The following KALRN variants were observed in gnomAD, a reference collection of about 807,000 sequenced individuals.
KALRN encodes kalirin.
KALRN carries 70 observed loss-of-function variants against 353.7 expected under a neutral mutation model. The ratio of observed to expected loss-of-function variants is 0.20; its 90% confidence interval spans 0.16 to 0.24. KALRN has a LOEUF of 0.24. KALRN is among the 10% of genes least tolerant of loss of function. KALRN has a pLI of 1.00. For synonymous variants in KALRN, 1,391 were observed against 1,434.8 expected, an observed-to-expected ratio of 0.97 and a Z score of 0.69; for missense variants, 2,791 against 3,756.7, an observed-to-expected ratio of 0.74 and a Z score of 6.72.
At chr3:124,144,586 C>G (rs1348687765) in intron 1 of KALRN, among the ~76,000 whole-genome samples, 1 of 151,668 alleles carries the variant, frequency 6.6e-6, no homozygotes, top group African/African-American at 2.4e-5. Flanking sequence ...TCCTCCTCCT[C>G]TTCCTCGTCT....
intron 45 of KALRN, among the ~76,000 whole-genome samples, chr3:124,663,912 G>T (rs2085221232): frequency 6.6e-6 from 1 of 151,980 alleles, no homozygotes. Flanking sequence ...TCTCCTCCTT[G>T]CCCTTTCAGC....
chr3:124,150,989 CTT>C (rs2068024114), intron 1 of KALRN, among the ~76,000 whole-genome samples: 1 of 152,134 alleles, frequency 6.6e-6, no homozygotes, highest in Non-Finnish European at 1.5e-5. Context: ...TGTCTGTCCT[CTT>C]TTGTTCAATG....
chr3:124,521,269 G>A (rs2067140078), intron 33 of KALRN, among the ~76,000 whole-genome samples: 1 of 152,146 alleles, frequency 6.6e-6, no homozygotes, highest in Non-Finnish European at 1.5e-5. Flanking sequence ...TTATGAAGTG[G>A]GTGAGTAAAC....
At chr3:124,255,677 G>A (rs886091483) in intron 3 of KALRN, among the ~76,000 whole-genome samples, 1 of 152,158 alleles carries the variant, frequency 6.6e-6, no homozygotes. Context: ...GTTGCCACGT[G>A]GGAAAGCACA....
At chr3:124,165,767 T>A (rs987424394) in intron 1 of KALRN, among the ~76,000 whole-genome samples, 2 of 152,242 alleles carry the variant, frequency 1.3e-5, no homozygotes, top group Non-Finnish European at 2.9e-5. Context: ...ATACATTGGA[T>A]CATGTCTCTT....
intron 1 of KALRN, chr3:124,152,417 T>G: frequency 1.5e-6 from 2 of 1,321,356 alleles, no homozygotes; most frequent in Admixed American, 1.7e-5. Context: ...CTGATCCTGA[T>G]GACAAATGCC....
chr3:124,609,949 A>G (rs1295130147), intron 34 of KALRN, among the ~76,000 whole-genome samples: 1 of 152,224 alleles, frequency 6.6e-6, no homozygotes, highest in Non-Finnish European at 1.5e-5. Context: ...GTATTCATCC[A>G]TGCACACAGA....
At chr3:124,128,543 G>A (rs1318705408) in intron 1 of KALRN, among the ~76,000 whole-genome samples, 1 of 152,058 alleles carries the variant, frequency 6.6e-6, no homozygotes, top group Non-Finnish European at 1.5e-5. Flanking sequence ...CCCATCCAGA[G>A]GGCAAATGTT....
At chr3:124,338,845 GA>G (rs1244413873) in intron 9 of KALRN, among the ~76,000 whole-genome samples, 3 of 151,784 alleles carry the variant, frequency 2.0e-5, no homozygotes, top group Admixed American at 6.6e-5. Flanking sequence ...ACCCAAAATG[GA>G]AAAAAAATCA....
At chr3:124,041,851 G>A (rs4678076) in intron 1 of KALRN, among the ~76,000 whole-genome samples, 135,846 of 152,218 alleles carry the variant, frequency 0.89, 61,199 homozygotes, top group East Asian at 1. Flanking sequence ...CTGCCTAGGA[G>A]CGAGGGAACA....
chr3:124,542,263 A>G (rs2069115100), intron 33 of KALRN, among the ~76,000 whole-genome samples: 1 of 152,200 alleles, frequency 6.6e-6, no homozygotes, highest in East Asian at 1.9e-4. Context: ...GAATTTAACA[A>G]CAAAGAGTTT....
rs1299016788 is a variant in KALRN at position 124,562,939 on chromosome 3, C to T, written c.5032C>T (p.Leu1678=). 7.3e-7 allele frequency: 1 copy of T among 1,367,910 alleles called. No individual in the cohort carries two copies. Among genetic ancestry groups the T allele is most frequent in the Admixed American group, 1.9e-5 (1 of 52,594 alleles). 84.7% of individuals were successfully genotyped at this position (1,367,910 alleles called of 1,614,324 possible). A position where few individuals can be genotyped will look rare whatever the true frequency, so the allele number is the denominator to read the frequency against. ...CCAGGTGGGGCAGACGGTAGAGCTG[C>T]TGGAGCGGCCCAGCGAGCGGCCTGG... ...TIQVGQTVEL[L]ERPSERPGWC... is the part of the protein sequence containing the mutation. The change falls in exon 34 of 60, where the codon CTG becomes TTG. Residue 1678 remains leucine (L), a synonymous_variant. Coordinates refer to ENST00000682506, the MANE Select transcript of KALRN (RefSeq NM_001388419.1).
At chr3:124,193,799 T>C (rs1412162375) in intron 1 of KALRN, among the ~76,000 whole-genome samples, 2 of 152,218 alleles carry the variant, frequency 1.3e-5, no homozygotes, top group Non-Finnish European at 2.9e-5. Flanking sequence ...TTTGCAATTT[T>C]ACATAGTTTG....
At chr3:124,345,793 G>C (rs1488716199) in intron 9 of KALRN, among the ~76,000 whole-genome samples, 1 of 152,060 alleles carries the variant, frequency 6.6e-6, no homozygotes, top group African/African-American at 2.4e-5. Context: ...TTGTGATCCT[G>C]TCACCAAAGA....
chr3:124,659,328 G>T, intron 42 of KALRN, 37 bp from the exon 43 acceptor site: 1 of 1,437,520 alleles, frequency 7.0e-7, no homozygotes, highest in Non-Finnish European at 9.8e-7. Context: ...CAGTTCTTCA[G>T]TTCCTTTTTC....
At chr3:124,149,931 C>T (rs370990282) in intron 1 of KALRN, among the ~76,000 whole-genome samples, 2 of 152,124 alleles carry the variant, frequency 1.3e-5, no homozygotes, top group East Asian at 1.9e-4. Flanking sequence ...TCCTCTTTTC[C>T]CTGAATAGCA....
chr3:124,392,225 T>G (rs1046214996), intron 11 of KALRN, among the ~76,000 whole-genome samples: 8 of 152,192 alleles, frequency 5.3e-5, no homozygotes, highest in Non-Finnish European at 5.9e-5. Context: ...AATTTTTGTG[T>G]TTTTTAAAAA....
intron 1 of KALRN, among the ~76,000 whole-genome samples, chr3:124,175,587 G>A (rs1054898231): frequency 1.3e-5 from 2 of 151,996 alleles, no homozygotes; most frequent in African/African-American, 4.8e-5. Context: ...TCTCCAGGAT[G>A]TGGAGGTGCG....
At chr3:124,522,624 G>A (rs1404395892) in intron 33 of KALRN, among the ~76,000 whole-genome samples, 1 of 152,186 alleles carries the variant, frequency 6.6e-6, no homozygotes, top group Non-Finnish European at 1.5e-5. Context: ...AGCACAGACT[G>A]CAGGGCTGCA....
Sources: gnomAD v4.1 joint callset for allele counts (sites outside exome capture counted in the v4.1 genomes callset) on GRCh38, gnomAD v4.1.1 for gene constraint, MANE v1.5 for transcripts, NCBI Gene and HGNC (gene_info 2026-07-23, HGNC 2026-07-21) for gene names.